PLXNA2: variants seen among roughly 807,000 people sequenced by gnomAD.
PLXNA2 encodes the protein plexin A2.
Under a neutral mutation model 193.5 loss-of-function variants are expected in PLXNA2, and 91 were observed. That is an observed-to-expected ratio of 0.47 (90% CI 0.40 to 0.56). The LOEUF (loss-of-function observed/expected upper bound fraction) is 0.56. Among genes scored for constraint, PLXNA2 ranks in the 20% least tolerant of loss-of-function variants. The pLI is 0.00. For missense variants in PLXNA2, 1,995 were observed against 2,503.2 expected (o/e 0.80, Z 4.33); for synonymous variants, 997 against 1,027.3 (o/e 0.97, Z 0.56).
At chr1:208,069,695 A>G (rs1416070707) in intron 12 of PLXNA2, among the ~76,000 whole-genome samples, 1 of 152,160 alleles carries the variant, frequency 6.6e-6, no homozygotes, top group Non-Finnish European at 1.5e-5. Flanking sequence ...TTATCGGGGC[A>G]GAGGAGCTTG....
In PLXNA2 at chr1:208,054,571, T is replaced by TG. The variant is rs745702896; in HGVS notation, c.2739-34dup. On this transcript the variant is annotated intron_variant, in intron 13 of 31. Transcript: ENST00000367033. ...GAAAGCAAACCTTCTGGTGAGGGAC[T>TG]GGGCAAGGGCTGGCATCGCTGTTCA... 5.4e-6 allele frequency: 8 copies of TG among 1,477,356 alleles called. No individual in the cohort carries two copies. The South Asian group carries it at 9.1e-5, about 17-fold the overall frequency. The allele number at this position is 1,477,356 out of a possible 1,614,324, so 91.5% of individuals were successfully genotyped here. A position where few individuals can be genotyped will look rare whatever the true frequency, so the allele number is the denominator to read the frequency against.
At chr1:208,216,118 C>T (rs569969695) in intron 2 of PLXNA2, among the ~76,000 whole-genome samples, 3 of 152,188 alleles carry the variant, frequency 2.0e-5, no homozygotes, top group Non-Finnish European at 4.4e-5. Flanking sequence ...GCTGCTCTTT[C>T]TCTCACATAC....
chr1:208,033,624 C>T, intron 27 of PLXNA2, 115 bp from the exon 28 acceptor site: 1 of 791,596 alleles, frequency 1.3e-6, no homozygotes, highest in Non-Finnish European at 1.9e-6. Flanking sequence ...CTCATTTCAG[C>T]TGAAAGGGGA....
At chr1:208,198,972 G>A (rs1318417142) in intron 3 of PLXNA2, among the ~76,000 whole-genome samples, 3 of 152,198 alleles carry the variant, frequency 2.0e-5, no homozygotes, top group Non-Finnish European at 4.4e-5. Context: ...GGGTTGATGA[G>A]GCTTAACTGA....
intron 4 of PLXNA2, among the ~76,000 whole-genome samples, chr1:208,120,703 G>A (rs55733348): frequency 0.081 from 12,348 of 152,204 alleles, 573 homozygotes; most frequent in Middle Eastern, 0.099. Flanking sequence ...AAGTCCCTAG[G>A]GAAGTAGGGA....
intron 8 of PLXNA2, 24 bp from the exon 9 acceptor site, chr1:208,092,924 G>A (rs1332234392): frequency 6.5e-7 from 1 of 1,534,388 alleles, no homozygotes; most frequent in Non-Finnish European, 9.0e-7. Flanking sequence ...GATGGTGAGA[G>A]GCAAAGAGAA....
intron 3 of PLXNA2, among the ~76,000 whole-genome samples, chr1:208,151,103 T>C (rs1248179678): frequency 2.0e-5 from 3 of 152,140 alleles, no homozygotes; most frequent in South Asian, 2.1e-4. Flanking sequence ...ATAAACACAG[T>C]GGAGACAGCC....
At chr1:208,194,437 A>G (rs1007866263) in intron 3 of PLXNA2, among the ~76,000 whole-genome samples, 35 of 149,036 alleles carry the variant, frequency 2.3e-4, no homozygotes, top group Non-Finnish European at 2.4e-4. Flanking sequence ...CCAGTGCCCA[A>G]TAAATAATTT....
chr1:208,208,961 T>G (rs1232095236), intron 3 of PLXNA2, among the ~76,000 whole-genome samples: 1 of 152,204 alleles, frequency 6.6e-6, no homozygotes, highest in Non-Finnish European at 1.5e-5. Context: ...TAGAAGCCAC[T>G]TTTAAATCTT....
intron 3 of PLXNA2, among the ~76,000 whole-genome samples, chr1:208,203,457 A>T (rs1288469068): frequency 6.6e-6 from 1 of 152,250 alleles, no homozygotes; most frequent in Non-Finnish European, 1.5e-5. Context: ...GTGGACCTGC[A>T]GCTCCGGCTG....
chr1:208,224,631 A>G (rs534050093), intron 1 of PLXNA2, among the ~76,000 whole-genome samples: 1 of 152,186 alleles, frequency 6.6e-6, no homozygotes, highest in East Asian at 1.9e-4. Context: ...CATTAATCGA[A>G]TGTCATTTTT....
chr1:208,179,231 C>T (rs909777610), intron 3 of PLXNA2, among the ~76,000 whole-genome samples: 7 of 152,188 alleles, frequency 4.6e-5, no homozygotes, highest in African/African-American at 1.7e-4. Context: ...TGGTAAATTA[C>T]AGGATGATGA....
chr1:208,036,646 A>G (rs1664678130), intron 26 of PLXNA2, among the ~76,000 whole-genome samples: 1 of 152,214 alleles, frequency 6.6e-6, no homozygotes, highest in East Asian at 1.9e-4. Flanking sequence ...TCATCATCAC[A>G]GTCTCCCAAA....
intron 4 of PLXNA2, among the ~76,000 whole-genome samples, chr1:208,104,224 T>A (rs961053254): frequency 6.6e-6 from 1 of 152,226 alleles, no homozygotes; most frequent in Non-Finnish European, 1.5e-5. Context: ...AGCACAGTGT[T>A]CTGCCTCTGG....
chr1:208,144,094 T>C (rs1668536994), intron 3 of PLXNA2, among the ~76,000 whole-genome samples: 1 of 152,188 alleles, frequency 6.6e-6, no homozygotes, highest in Non-Finnish European at 1.5e-5. Context: ...TCTTCTCCCT[T>C]ACACCCTTTG....
intron 3 of PLXNA2, among the ~76,000 whole-genome samples, chr1:208,197,292 AC>A (rs1314012211): frequency 1.3e-5 from 2 of 152,222 alleles, no homozygotes; most frequent in East Asian, 3.8e-4. Flanking sequence ...AAGGGAGGTC[AC>A]CACATGTGCC....
In PLXNA2 at chr1:208,098,954, G is replaced by C. The variant is rs767371793; in HGVS notation, c.1623C>G (p.Asp541Glu). 6.2e-7 allele frequency: 1 copy of C among 1,612,064 alleles called. No homozygotes were observed. The highest frequency in any genetic ancestry group is 8.5e-7 in the Non-Finnish European group (1 of 1,179,522). ...CALHNMCSRR[D>E]KCQQAWEPNR... ...TAGGTTCCCAGGCCTGTTGGCATTT[G>C]TCCCTGCGGGAGCACCTGCCATAAA... Residue 541 changes from aspartate to glutamate, a missense_variant, in exon 6 of 32, where the codon GAC becomes GAG. By Grantham distance (45) the Asp-to-Glu change is conservative. Around this residue, in one of 3 missense-constraint regions of PLXNA2, gnomAD observed 702 missense variants for 812.9 expected, o/e 0.86. Coordinates refer to ENST00000367033, the MANE Select transcript of PLXNA2 (RefSeq NM_025179.4).
rs551250794 is a variant in PLXNA2, at chr1:208,054,094, T to C, written c.2856+327A>G. ...GAATTAGACTAAGATATTACACTGG[T>C]GGGACAAGAGGCAGTTCCTCCCCGC... is the stretch of plus-strand genomic sequence containing the variant. On this transcript the variant is annotated intron_variant, in intron 14 of 31. Coordinates refer to ENST00000367033, the MANE Select transcript of PLXNA2 (RefSeq NM_025179.4). 3.9e-5 allele frequency among the ~76,000 whole-genome samples: 6 copies of C among 152,332 alleles called. No individual in the cohort carries two copies. In the East Asian group the frequency reaches 7.7e-4, roughly 20 times the overall value.
intron 24 of PLXNA2, among the ~76,000 whole-genome samples, chr1:208,039,206 C>T (rs531200350): frequency 1.3e-5 from 2 of 152,286 alleles, no homozygotes; most frequent in African/African-American, 4.8e-5. Flanking sequence ...AGCACCAGGA[C>T]TCTACTTTCT....
Sources: allele counts gnomAD v4.1 joint callset (sites outside exome capture counted in the v4.1 genomes callset), GRCh38; gene constraint gnomAD v4.1.1; regional missense constraint gnomAD v4.1.1; transcripts MANE v1.5; gene names NCBI Gene and HGNC (gene_info 2026-07-23, HGNC 2026-07-21).